SLC7A1: variants seen among roughly 807,000 people sequenced by gnomAD.
SLC7A1 encodes high affinity cationic amino acid transporter 1.
SLC7A1 carries 10 observed loss-of-function variants against 53.9 expected under a neutral mutation model. The ratio of observed to expected loss-of-function variants is 0.19; its 90% CI spans 0.11 to 0.31. The LOEUF is 0.31. Among genes scored for constraint, SLC7A1 ranks in the 10% least tolerant of loss-of-function variants. The pLI is 1.00. For missense variants in SLC7A1, 525 were observed against 827.2 expected, an observed-to-expected ratio of 0.63 and a Z score of 4.48; for synonymous variants, 342 against 338.7, an observed-to-expected ratio of 1.01 and a Z score of -0.11.
At chr13:29,555,734 G>A (rs1199255825) in intron 1 of SLC7A1, among the ~76,000 whole-genome samples, 2 of 152,126 alleles carry the variant, frequency 1.3e-5, no homozygotes, top group Non-Finnish European at 2.9e-5. Flanking sequence ...GATAAAATTT[G>A]AACTTTCAAG....
intron 1 of SLC7A1, among the ~76,000 whole-genome samples, chr13:29,581,779 T>G (rs753574072): frequency 6.6e-6 from 1 of 152,198 alleles, no homozygotes; most frequent in South Asian, 2.1e-4. Context: ...GCCTCTTCCA[T>G]TAAGAATTTC....
intron 2 of SLC7A1, among the ~76,000 whole-genome samples, chr13:29,549,187 C>T (rs572369498): frequency 4.5e-4 from 69 of 152,318 alleles, no homozygotes; most frequent in African/African-American, 1.6e-3. Flanking sequence ...TTCAATTTAC[C>T]TGAAATTCCT....
intron 1 of SLC7A1, among the ~76,000 whole-genome samples, chr13:29,566,882 C>G (rs540313060): frequency 6.6e-6 from 1 of 152,218 alleles, no homozygotes; most frequent in Non-Finnish European, 1.5e-5. Flanking sequence ...TATTCAAGTT[C>G]GGTTGCTAAG....
At chr13:29,516,926 TACTCAGGGAAACGTCCAGGGGAGAAGGG>T in intron 11 of SLC7A1, 190 bp downstream of exon 11, 1 of 459,164 alleles carries the variant, frequency 2.2e-6, no homozygotes, top group Non-Finnish European at 3.8e-6. Context: ...TGCCCTTGAC[TACTCAGGGAAACGTCCAGGGGAGAAGGG>T]CTGCTGCCTC....
At chr13:29,541,403 A>G (rs1869660529) in intron 2 of SLC7A1, among the ~76,000 whole-genome samples, 1 of 152,234 alleles carries the variant, frequency 6.6e-6, no homozygotes. Context: ...GCCTAAGACC[A>G]TCAGAGGACA....
intron 2 of SLC7A1, among the ~76,000 whole-genome samples, chr13:29,551,345 G>A (rs766585341): frequency 3.3e-5 from 5 of 152,192 alleles, no homozygotes; most frequent in African/African-American, 9.7e-5. Context: ...AACAACAAGC[G>A]TGGCCAAGAC....
intron 1 of SLC7A1, among the ~76,000 whole-genome samples, chr13:29,562,919 A>T (rs1168911212): frequency 2.0e-5 from 3 of 152,230 alleles, no homozygotes; most frequent in Admixed American, 1.3e-4. Context: ...GCACCCAGGA[A>T]AAGACCATTT....
rs892831457 is a variant in SLC7A1 at position 29,513,420 on chromosome 13, AT to A, written c.*1059del. On this transcript the variant is annotated 3_prime_UTR_variant, in exon 13 of 13. Coordinates refer to ENST00000380752, the MANE Select transcript of SLC7A1 (RefSeq NM_003045.5). ...TTTCATGGACTGTGGATTGATTTCA[AT>A]TTCATCATGTCACAGAGAGGCCAGA... is the stretch of plus-strand genomic sequence containing the variant. 6.6e-6 allele frequency: 1 copy of A among 152,652 alleles called. No individual in the cohort carries two copies. Among genetic ancestry groups the A allele is most frequent in the Non-Finnish European group, 1.5e-5 (1 of 68,054 alleles). 9.5% of individuals were successfully genotyped at this position (152,652 alleles called of 1,614,324 possible). A position where few individuals can be genotyped will look rare whatever the true frequency, so the allele number is the denominator to read the frequency against.
chr13:29,522,074 C>A (rs1593541225), intron 8 of SLC7A1, among the ~76,000 whole-genome samples: 2 of 151,874 alleles, frequency 1.3e-5, no homozygotes, highest in Non-Finnish European at 2.9e-5. Context: ...AAGCTCCGCC[C>A]ATTGAGATGA....
At chr13:29,518,831 T>G (rs1436311510) in intron 9 of SLC7A1, among the ~76,000 whole-genome samples, 1 of 151,460 alleles carries the variant, frequency 6.6e-6, no homozygotes, top group Non-Finnish European at 1.5e-5. Context: ...GGGATGTGCT[T>G]TGGGAGTGGG....
At position 29,556,505 on chromosome 13, in the gene SLC7A1, A is replaced by G. The variant is rs113167370; in HGVS notation, c.-114-2645T>C. ...GTGATTCTCCCACATCAGCCCCCCA[A>G]GTAGCTGGGACTACAGGTGCACACC... On this transcript the variant is annotated intron_variant, in intron 1 of 12. Transcript: ENST00000380752. Among the ~76,000 whole-genome samples, 90 of 152,174 alleles carry G rather than the reference A, an allele frequency of 5.9e-4. 1 individual carries two copies. Among genetic ancestry groups the G allele is most frequent in the Admixed American group, 1.8e-3 (27 of 15,280 alleles).
In SLC7A1 at chr13:29,517,736, C is replaced by A. The variant is rs778328419; in HGVS notation, c.1347G>T (p.Glu449Asp). Residue 449 changes from glutamate to aspartate, a missense_variant, in exon 10 of 13, where the codon GAG (glutamate) becomes GAT (aspartate). Physicochemically the swap from Glu to Asp is conservative, Grantham distance 45. Transcript: ENST00000380752. ...ATTCATTTTGGTCTGCTGGATCTAA[C>A]TCGTCGGAAGTACTGGCCATCTGGT... ...LVYQMASTSD[E>D]LDPADQNELA... is the part of the protein sequence containing the mutation. The A allele has an allele frequency of 6.2e-7, 1 of 1,614,228 alleles. No individual in the cohort carries two copies. Among genetic ancestry groups the A allele is most frequent in the Non-Finnish European group, 8.5e-7 (1 of 1,180,034 alleles).
At chr13:29,530,742 T>C (rs1203345922) in intron 4 of SLC7A1, 30 bp from the exon 5 acceptor site, 3 of 1,603,470 alleles carry the variant, frequency 1.9e-6, no homozygotes, top group South Asian at 1.1e-5. Context: ...CAAAACTTTG[T>C]CTGAGTGTTA....
rs1883384185 is a variant in SLC7A1 at position 29,511,374 on chromosome 13, A to C, written c.*3106T>G. ...ACCAAAAGTGGGGGGAGATCTCAGC[A>C]ATTCTGACAACAGTATACATTTAGC... is the stretch of plus-strand genomic sequence containing the variant. On this transcript the variant is annotated 3_prime_UTR_variant, in exon 13 of 13. Transcript: ENST00000380752. 1.3e-5 allele frequency: 2 copies of C among 152,200 alleles called. No homozygotes were observed. Among genetic ancestry groups the C allele is most frequent in the African/African-American group, 4.8e-5 (2 of 41,442 alleles). 9.4% of individuals were successfully genotyped at this position (152,200 alleles called of 1,614,324 possible). A position where few individuals can be genotyped will look rare whatever the true frequency, so the allele number is the denominator to read the frequency against.
At chr13:29,546,054 C>T (rs1291448976) in intron 2 of SLC7A1, among the ~76,000 whole-genome samples, 1 of 152,158 alleles carries the variant, frequency 6.6e-6, no homozygotes, top group Non-Finnish European at 1.5e-5. Flanking sequence ...CCTATTGGAG[C>T]CAGGGCTCCT....
In SLC7A1 at chr13:29,514,470, G is replaced by A. The variant is rs41318021; in HGVS notation, c.*10C>T. The A allele has an allele frequency of 0.084, 135,100 of 1,601,734 alleles. 6,737 individuals are homozygous for A. Among genetic ancestry groups the A allele is most frequent in the Non-Finnish European group, 0.098 (115,200 of 1,175,524 alleles). On this transcript the variant is annotated 3_prime_UTR_variant, in exon 13 of 13. Coordinates refer to ENST00000380752, the MANE Select transcript of SLC7A1 (RefSeq NM_003045.5). The stretch of plus-strand genomic sequence containing the variant: ...GGGCTGCTGCCACCTCCGGGGGGCG[G>A]GGCTGTGCGTCACTTGCACTGGTCC...
chr13:29,585,886 T>C (rs180955780), intron 1 of SLC7A1, among the ~76,000 whole-genome samples: 133 of 152,004 alleles, frequency 8.7e-4, no homozygotes, highest in Non-Finnish European at 5.9e-4. Flanking sequence ...TAGATAACTA[T>C]CCATTAGAAA....
intron 1 of SLC7A1, among the ~76,000 whole-genome samples, chr13:29,581,602 CTGTCCCCTCTAAG>C (rs1871649211): frequency 6.6e-6 from 1 of 152,240 alleles, no homozygotes; most frequent in Non-Finnish European, 1.5e-5. Context: ...CAAGCATGCG[CTGTCCCCTCTAAG>C]TGGCATTCTG....
intron 1 of SLC7A1, among the ~76,000 whole-genome samples, chr13:29,575,407 T>C (rs1001941562): frequency 2.6e-5 from 4 of 152,236 alleles, no homozygotes; most frequent in African/African-American, 9.6e-5. Context: ...CTCTAACTTA[T>C]GATAAATCCC....
Sources: allele counts gnomAD v4.1 joint callset (sites outside exome capture counted in the v4.1 genomes callset), GRCh38; gene constraint gnomAD v4.1.1; transcripts MANE v1.5; gene names NCBI Gene and HGNC (gene_info 2026-07-23, HGNC 2026-07-21).